Variants in KCTD16 observed in about 807,000 individuals in gnomAD.
The protein encoded by KCTD16 is potassium channel tetramerization domain containing 16.
KCTD16 carries 13 observed loss-of-function variants against 33.2 expected under a neutral mutation model. The observed-to-expected ratio is 0.39, with a 90% confidence interval of 0.25 to 0.62. The LOEUF (loss-of-function observed/expected upper bound fraction) is 0.62, where lower values mean the gene tolerates loss of function less well. Among genes scored for constraint, KCTD16 ranks in the 20% least tolerant of loss-of-function variants. The probability of loss-of-function intolerance (pLI) is 0.50; values close to 1 mark genes in which losing one functional copy is unlikely to be tolerated. For missense variants in KCTD16, 441 were observed against 525.1 expected, an observed-to-expected ratio of 0.84 and a Z score of 1.57; for synonymous variants, 197 against 195.3, an observed-to-expected ratio of 1.01 and a Z score of -0.07.
intron 3 of KCTD16, among the ~76,000 whole-genome samples, chr5:144,339,411 T>A (rs1159602410): frequency 6.6e-6 from 1 of 152,180 alleles, no homozygotes; most frequent in Non-Finnish European, 1.5e-5. Context: ...CCCCATGTCC[T>A]CAAATGCATT....
rs993024782 is a variant in KCTD16, at chr5:144,250,971, A to G, written c.832+43425A>G. Among the ~76,000 whole-genome samples the G allele has an allele frequency of 3.3e-5, 5 of 152,152 alleles. No homozygotes were observed. In the East Asian group the frequency reaches 7.7e-4, roughly 23 times the overall value. On this transcript the variant is annotated intron_variant, in intron 3 of 3. Coordinates refer to ENST00000512467, the MANE Select transcript of KCTD16 (RefSeq NM_020768.4). ...ATATGTATATATGTTTTAAAATGGT[A>G]TTGTTATCTAGTCTCCTGCTCTCGA...
intron 3 of KCTD16, among the ~76,000 whole-genome samples, chr5:144,362,536 G>A (rs75439986): frequency 0.022 from 3,338 of 152,156 alleles, 84 homozygotes; most frequent in Admixed American, 0.083. Context: ...TTACTATAAC[G>A]TTTTAGGTAA....
intron 2 of KCTD16, among the ~76,000 whole-genome samples, chr5:144,178,334 GTTA>G (rs1353108319): frequency 6.6e-6 from 1 of 152,080 alleles, no homozygotes; most frequent in African/African-American, 2.4e-5. Flanking sequence ...AGAAGAAAAA[GTTA>G]TTATAATCAT....
At chr5:144,465,877 C>T (rs1412751457) in intron 3 of KCTD16, among the ~76,000 whole-genome samples, 4 of 143,342 alleles carry the variant, frequency 2.8e-5, no homozygotes, top group Non-Finnish European at 6.0e-5. Context: ...TTGCTCTTGT[C>T]ACCCAGGCTG....
At chr5:144,417,703 GCTT>G (rs1307609495) in intron 3 of KCTD16, among the ~76,000 whole-genome samples, 1 of 152,004 alleles carries the variant, frequency 6.6e-6, no homozygotes. Flanking sequence ...TTAGTTCTAT[GCTT>G]TTTTGCAAGT....
chr5:144,269,350 C>A (rs1386892573), intron 3 of KCTD16, among the ~76,000 whole-genome samples: 1 of 151,806 alleles, frequency 6.6e-6, no homozygotes, highest in African/African-American at 2.4e-5. Context: ...AAGAAAGAAG[C>A]AACTCATTGC....
chr5:144,430,596 T>G (rs1199378959), intron 3 of KCTD16, among the ~76,000 whole-genome samples: 1 of 152,146 alleles, frequency 6.6e-6, no homozygotes, highest in African/African-American at 2.4e-5. Flanking sequence ...GTGCCAATTC[T>G]GATCAATTAG....
chr5:144,221,220 GA>G (rs1753737618), intron 3 of KCTD16, among the ~76,000 whole-genome samples: 1 of 152,174 alleles, frequency 6.6e-6, no homozygotes, highest in South Asian at 2.1e-4. Flanking sequence ...AACATCTAGA[GA>G]ATGTCTTAAG....
chr5:144,203,803 G>A (rs1046711090), intron 2 of KCTD16, among the ~76,000 whole-genome samples: 4 of 152,120 alleles, frequency 2.6e-5, no homozygotes, highest in Non-Finnish European at 5.9e-5. Flanking sequence ...TTATTTTGTT[G>A]TCATGGTGAG....
At chr5:144,283,328 T>C (rs1158414295) in intron 3 of KCTD16, among the ~76,000 whole-genome samples, 1 of 152,236 alleles carries the variant, frequency 6.6e-6, no homozygotes, top group Non-Finnish European at 1.5e-5. Flanking sequence ...TGTAATCAGA[T>C]AGTTGCCTTA....
At chr5:144,379,318 T>C (rs1752159953) in intron 3 of KCTD16, among the ~76,000 whole-genome samples, 2 of 152,112 alleles carry the variant, frequency 1.3e-5, no homozygotes, top group Non-Finnish European at 2.9e-5. Flanking sequence ...TGGATAAAGA[T>C]TGGAGGATTA....
At chr5:144,398,090 A>G (rs1020615216) in intron 3 of KCTD16, among the ~76,000 whole-genome samples, 1 of 152,148 alleles carries the variant, frequency 6.6e-6, no homozygotes, top group Non-Finnish European at 1.5e-5. Context: ...TGGATTGATT[A>G]TTTTGTGTTT....
chr5:144,318,716 T>C (rs972277554), intron 3 of KCTD16, among the ~76,000 whole-genome samples: 1 of 152,142 alleles, frequency 6.6e-6, no homozygotes, highest in East Asian at 1.9e-4. Context: ...CTGCCCTCTG[T>C]GACTGCGGAA....
At chr5:144,445,349 G>A (rs1753797467) in intron 3 of KCTD16, among the ~76,000 whole-genome samples, 1 of 151,890 alleles carries the variant, frequency 6.6e-6, no homozygotes, top group Admixed American at 6.6e-5. Flanking sequence ...TATCAATTCT[G>A]GATGCGTTTG....
intron 3 of KCTD16, among the ~76,000 whole-genome samples, chr5:144,315,031 G>A (rs990197513): frequency 6.6e-6 from 1 of 152,266 alleles, no homozygotes; most frequent in African/African-American, 2.4e-5. Flanking sequence ...GGATCCAACC[G>A]TTGTCCTTTA....
At chr5:144,175,676 G>T (rs1160830978) in intron 2 of KCTD16, among the ~76,000 whole-genome samples, 1 of 152,132 alleles carries the variant, frequency 6.6e-6, no homozygotes, top group Non-Finnish European at 1.5e-5. Context: ...TACTTGCCAT[G>T]GAGCTTCAGT....
At chr5:144,451,981 A>G (rs1474715048) in intron 3 of KCTD16, among the ~76,000 whole-genome samples, 2 of 151,970 alleles carry the variant, frequency 1.3e-5, no homozygotes, top group Non-Finnish European at 2.9e-5. Flanking sequence ...TATTTGTCAC[A>G]GCATATTAAT....
intron 3 of KCTD16, among the ~76,000 whole-genome samples, chr5:144,221,881 C>G (rs1753768650): frequency 6.6e-6 from 1 of 152,214 alleles, no homozygotes; most frequent in Non-Finnish European, 1.5e-5. Flanking sequence ...ACACTCCCAT[C>G]AACAGTGTAA....
intron 2 of KCTD16, among the ~76,000 whole-genome samples, chr5:144,183,623 G>A (rs574616245): frequency 2.0e-5 from 3 of 152,212 alleles, no homozygotes; most frequent in South Asian, 2.1e-4. Context: ...CAGAAAACTC[G>A]CGGGACTAGT....
Sources: gnomAD v4.1 joint callset for allele counts (sites outside exome capture counted in the v4.1 genomes callset) on GRCh38, gnomAD v4.1.1 for gene constraint, MANE v1.5 for transcripts, NCBI Gene and HGNC (gene_info 2026-07-23, HGNC 2026-07-21) for gene names.